EYS: variants seen among roughly 807,000 people sequenced by gnomAD.
EYS encodes protein eyes shut homolog.
EYS carries 250 observed loss-of-function variants against 282.1 expected under a neutral mutation model. The ratio of observed to expected loss-of-function variants is 0.89; its 90% CI spans 0.80 to 0.98. EYS has a LOEUF of 0.98. Ranked by LOEUF, EYS falls within the 50% of genes least tolerant of loss-of-function variation. The probability of loss-of-function intolerance (pLI) is 0.00; values close to 1 mark genes in which losing one functional copy is unlikely to be tolerated. For synonymous variants in EYS, 1,355 were observed against 1,282.9 expected (o/e 1.06, Z -1.20); for missense variants, 4,016 against 3,709.0 (o/e 1.08, Z -2.15).
At chr6:65,062,017 A>G (rs1338057707) in intron 12 of EYS, among the ~76,000 whole-genome samples, 4 of 151,498 alleles carry the variant, frequency 2.6e-5, no homozygotes, top group Non-Finnish European at 5.9e-5. Context: ...TTGTTTATTC[A>G]TTCTTTCATT....
chr6:64,128,893 C>G (rs183962638), intron 31 of EYS, among the ~76,000 whole-genome samples: 6 of 152,278 alleles, frequency 3.9e-5, no homozygotes, highest in Admixed American at 3.3e-4. Flanking sequence ...TAAAATCAAT[C>G]TCAGGGCTAA....
At chr6:64,251,142 C>T (rs2150348428) in intron 30 of EYS, among the ~76,000 whole-genome samples, 1 of 152,242 alleles carries the variant, frequency 6.6e-6, no homozygotes. Flanking sequence ...TGGCTTTAAC[C>T]AGCAGTATCC....
intron 2 of EYS, among the ~76,000 whole-genome samples, chr6:65,569,626 C>T (rs1485614051): frequency 6.6e-6 from 1 of 152,098 alleles, no homozygotes; most frequent in Admixed American, 6.6e-5. Flanking sequence ...AGACTCTGCA[C>T]TCAGTGGATC....
chr6:64,951,760 A>C (rs569174875), intron 14 of EYS, among the ~76,000 whole-genome samples: 2 of 152,020 alleles, frequency 1.3e-5, no homozygotes, highest in South Asian at 4.1e-4. Context: ...TAAACTTGCT[A>C]GTAAAAGATA....
intron 26 of EYS, among the ~76,000 whole-genome samples, chr6:64,496,403 T>C (rs1351909267): frequency 2.0e-5 from 3 of 152,140 alleles, no homozygotes; most frequent in East Asian, 3.9e-4. Flanking sequence ...TTGTTTATAC[T>C]GTAAACCTAG....
At chr6:64,846,087 A>T (rs574089790) in intron 19 of EYS, among the ~76,000 whole-genome samples, 1 of 152,228 alleles carries the variant, frequency 6.6e-6, no homozygotes, top group East Asian at 1.9e-4. Context: ...TTGCTCAGAG[A>T]CTTTCAATAA....
chr6:65,293,974 G>A (rs571173463), intron 12 of EYS, among the ~76,000 whole-genome samples: 1 of 151,776 alleles, frequency 6.6e-6, no homozygotes, highest in East Asian at 1.9e-4. Context: ...GTTTGGAGAC[G>A]GAGGGAGAGA....
intron 19 of EYS, among the ~76,000 whole-genome samples, chr6:64,842,350 C>T (rs1765587691): frequency 6.6e-6 from 1 of 151,634 alleles, no homozygotes; most frequent in Non-Finnish European, 1.5e-5. Flanking sequence ...TATGGTTTGT[C>T]TGTGAGTCCC....
intron 36 of EYS, among the ~76,000 whole-genome samples, chr6:63,828,803 A>C (rs918671123): frequency 6.6e-6 from 1 of 152,148 alleles, no homozygotes; most frequent in Non-Finnish European, 1.5e-5. Flanking sequence ...ACAAATTTTA[A>C]AAAGTAGATG....
intron 31 of EYS, among the ~76,000 whole-genome samples, chr6:64,152,584 A>G (rs1176698992): frequency 1.3e-5 from 2 of 152,292 alleles, no homozygotes; most frequent in East Asian, 3.9e-4. Context: ...CTTTTAACCT[A>G]GCTTTTAGAA....
chr6:63,800,011 A>G lies in EYS; in HGVS notation c.7411+6179T>C, dbSNP rs965214209. ...GCTGAGCCTGGGCGGGGGAGAATGG[A>G]ACAGCAAATATCAGCTGGGCTGCTG... On this transcript the variant is annotated intron_variant, in intron 37 of 42. Transcript: ENST00000503581. 3.9e-5 allele frequency among the ~76,000 whole-genome samples: 6 copies of G among 152,192 alleles called. No homozygotes were observed. The South Asian group carries it at 1.2e-3, about 32-fold the overall frequency.
intron 34 of EYS, among the ~76,000 whole-genome samples, chr6:63,986,634 G>C (rs929733846): frequency 1.3e-5 from 2 of 151,802 alleles, no homozygotes; most frequent in Non-Finnish European, 2.9e-5. Flanking sequence ...TGGACACATG[G>C]ATGGAGCTGG....
intron 13 of EYS, among the ~76,000 whole-genome samples, chr6:65,008,755 G>A (rs566111656): frequency 7.2e-5 from 11 of 152,264 alleles, no homozygotes; most frequent in Non-Finnish European, 1.2e-4. Flanking sequence ...TGGGGCAAGC[G>A]CCAGCCCATG....
intron 26 of EYS, among the ~76,000 whole-genome samples, chr6:64,560,672 T>C (rs1315915010): frequency 6.6e-6 from 1 of 152,096 alleles, no homozygotes; most frequent in Non-Finnish European, 1.5e-5. Flanking sequence ...AATGCCTCAT[T>C]GTATTTACCG....
Position 65,524,190 on chromosome 6 carries a change from T to G in EYS, c.-332-28197A>C, listed in dbSNP as rs180795046. 2.2e-4 allele frequency among the ~76,000 whole-genome samples: 34 copies of G among 152,194 alleles called. No individual in the cohort carries two copies. The East Asian group carries it at 6.2e-3, about 28-fold the overall frequency. ...TCTGGCCAGAAGTCCAATTTTCCTA[T>G]AGCAGTCAGAATTAATCACCCTGGC... is the stretch of plus-strand genomic sequence containing the variant. On this transcript the variant is annotated intron_variant, in intron 2 of 42. Transcript: ENST00000503581.
intron 22 of EYS, among the ~76,000 whole-genome samples, chr6:64,651,295 A>T (rs1435571238): frequency 6.6e-6 from 1 of 152,222 alleles, no homozygotes; most frequent in African/African-American, 2.4e-5. Flanking sequence ...TATAGTCTAC[A>T]GTTCTATATT....
chr6:64,692,004 G>A (rs1198374817), intron 22 of EYS, among the ~76,000 whole-genome samples: 2 of 152,006 alleles, frequency 1.3e-5, no homozygotes, highest in Non-Finnish European at 2.9e-5. Context: ...ATTTTCTTGT[G>A]GATATATACC....
At chr6:65,405,039 A>C in intron 6 of EYS, 135 bp downstream of exon 6, 1 of 613,546 alleles carries the variant, frequency 1.6e-6, no homozygotes, top group Non-Finnish European at 2.8e-6. Context: ...TAAAATAAGT[A>C]GACCGTTCTT....
intron 35 of EYS, among the ~76,000 whole-genome samples, chr6:63,973,499 A>T (rs115161189): frequency 0.023 from 3,452 of 152,284 alleles, 104 homozygotes; most frequent in African/African-American, 0.07. Context: ...ATTAGAATTT[A>T]TCCTGTCTTT....
Sources: allele counts gnomAD v4.1 joint callset (sites outside exome capture counted in the v4.1 genomes callset), GRCh38; gene constraint gnomAD v4.1.1; transcripts MANE v1.5; gene names NCBI Gene and HGNC (gene_info 2026-07-23, HGNC 2026-07-21).